Variants in CBFA2T3 observed in about 807,000 individuals in gnomAD.
CBFA2T3 encodes CBFA2/RUNX1 partner transcriptional co-repressor 3, also known as transcriptional corepressor CBFA2T3.
CBFA2T3 carries 31 observed loss-of-function variants against 58.6 expected under a neutral mutation model. The observed-to-expected ratio is 0.53, with a 90% CI of 0.40 to 0.71. The LOEUF (loss-of-function observed/expected upper bound fraction) is 0.71, where lower values mean the gene tolerates loss of function less well. CBFA2T3 is among the 30% of genes least tolerant of loss of function. The pLI, the probability that CBFA2T3 is intolerant of heterozygous loss-of-function variation, is 0.00. For synonymous variants in CBFA2T3, 531 were observed against 421.9 expected (o/e 1.26, Z -3.17); for missense variants, 1,076 against 963.1 (o/e 1.12, Z -1.55).
At chr16:88,904,950 C>T (rs568489963) in intron 1 of CBFA2T3, among the ~76,000 whole-genome samples, 6 of 152,196 alleles carry the variant, frequency 3.9e-5, no homozygotes, top group Admixed American at 1.3e-4. Flanking sequence ...CATGGAGCAA[C>T]GTGTGGCCGG....
intron 1 of CBFA2T3, among the ~76,000 whole-genome samples, chr16:88,949,484 G>A (rs571744587): frequency 2.7e-4 from 41 of 151,848 alleles, no homozygotes; most frequent in Non-Finnish European, 4.9e-4. Context: ...ACTTGAACCC[G>A]GGAGGCGGAG....
intron 3 of CBFA2T3, 82 bp from the exon 4 acceptor site, chr16:88,892,567 C>T (rs1355835971): frequency 9.5e-6 from 14 of 1,468,954 alleles, no homozygotes; most frequent in South Asian, 4.5e-5. Context: ...AGGGAAGCAG[C>T]GACTAAGGTG....
chr16:88,958,256 C>A lies in CBFA2T3; in HGVS notation c.151+18401G>T, dbSNP rs1321195722. Reference sequence around the variant, plus strand: ...GCTATGGCAGAAGAGCTTCGAGAGCCCAAAGCTCCCAGGGAAGCTTTGAGC... The same window carrying A: ...GCTATGGCAGAAGAGCTTCGAGAGCACAAAGCTCCCAGGGAAGCTTTGAGC... On this transcript the variant is annotated intron_variant, in intron 1 of 11. Coordinates refer to ENST00000268679, the MANE Select transcript of CBFA2T3 (RefSeq NM_005187.6). This position sits in a 1 kb window ranked among gnomAD's most constrained non-coding sequence, Gnocchi z 4.0. 6.6e-6 allele frequency among the ~76,000 whole-genome samples: 1 copy of A among 151,680 alleles called. No homozygotes were observed. The highest frequency in any genetic ancestry group is 2.4e-5 in the African/African-American group (1 of 41,348).
At chr16:88,948,977 C>G (rs115511386) in intron 1 of CBFA2T3, among the ~76,000 whole-genome samples, 1,869 of 152,302 alleles carry the variant, frequency 0.012, 45 homozygotes, top group African/African-American at 0.043. Flanking sequence ...TGGAGAAGCA[C>G]AAACTCCCCA....
intron 1 of CBFA2T3, among the ~76,000 whole-genome samples, chr16:88,970,210 G>A (rs546207733): frequency 6.6e-6 from 1 of 152,188 alleles, no homozygotes; most frequent in Admixed American, 6.5e-5. Context: ...CCCCAAGCCG[G>A]CAGCCTTGCT....
At chr16:88,915,969 G>T (rs1390845277) in intron 1 of CBFA2T3, among the ~76,000 whole-genome samples, 1 of 152,068 alleles carries the variant, frequency 6.6e-6, no homozygotes, top group African/African-American at 2.4e-5. Flanking sequence ...TGGGTGCATG[G>T]GTCTGTATTC....
At chr16:88,903,103 C>T (rs1970164340) in intron 1 of CBFA2T3, among the ~76,000 whole-genome samples, 1 of 152,218 alleles carries the variant, frequency 6.6e-6, no homozygotes. Context: ...GCCCGTTCCC[C>T]ATTCCCGGGG....
Position 88,958,689 on chromosome 16 carries a change from G to A in CBFA2T3, c.151+17968C>T, listed in dbSNP as rs1263390857. Among the ~76,000 whole-genome samples, 1 of 151,890 alleles carries A rather than the reference G, an allele frequency of 6.6e-6. No individual in the cohort carries two copies. The highest frequency in any genetic ancestry group is 2.4e-5 in the African/African-American group (1 of 41,334). ...GAGACAAACTCGCTCCCCCAGGGCC[G>A]GGGGCTGGGGGCCTCGGTGTGGCCT... On this transcript the variant is annotated intron_variant, in intron 1 of 11. Transcript: ENST00000268679. This position sits in a 1 kb window ranked among gnomAD's most constrained non-coding sequence, Gnocchi z 4.0.
chr16:88,939,307 G>C (rs564497), intron 1 of CBFA2T3: 3 of 152,264 alleles, frequency 2.0e-5, no homozygotes, highest in East Asian at 3.8e-4. Flanking sequence ...GTGACAGCAC[G>C]GCCCCAGCAC....
intron 1 of CBFA2T3, among the ~76,000 whole-genome samples, chr16:88,962,640 C>T (rs1264640637): frequency 6.6e-6 from 1 of 152,226 alleles, no homozygotes; most frequent in African/African-American, 2.4e-5. Context: ...TCCCCTGGAC[C>T]ACGTTTCGGG....
At chr16:88,959,538 G>A (rs1308235261) in intron 1 of CBFA2T3, among the ~76,000 whole-genome samples, 1 of 152,178 alleles carries the variant, frequency 6.6e-6, no homozygotes, top group Admixed American at 6.5e-5. Context: ...CATACCACCT[G>A]TAAAAGCCAG....
chr16:88,901,522 A>G lies in CBFA2T3; in HGVS notation c.286T>C (p.Ser96Pro). Residue 96 changes from serine (S) to proline (P), a missense_variant, in exon 2 of 12, where the codon TCC becomes CCC. Transcript: ENST00000268679. ...AASQGATRPPSFTPHTHREDG... is the reference protein window; with the variant it reads ...AASQGATRPPPFTPHTHREDG... Reference sequence around the variant, plus strand: ...TACTTACGTGTGTGTGGCGTGAAGGAGGGGGGGCGTGTGGCCCCCTGGGAT... The same window carrying G: ...TACTTACGTGTGTGTGGCGTGAAGGGGGGGGGGCGTGTGGCCCCCTGGGAT... 1 of 1,467,484 alleles carries G rather than the reference A, an allele frequency of 6.8e-7. No individual in the cohort carries two copies. The allele number at this position is 1,467,484 out of a possible 1,614,324, so 90.9% of individuals were successfully genotyped here. A position where few individuals can be genotyped will look rare whatever the true frequency, so the allele number is the denominator to read the frequency against.
intron 1 of CBFA2T3, among the ~76,000 whole-genome samples, chr16:88,906,053 C>T (rs1227217933): frequency 6.6e-6 from 1 of 152,002 alleles, no homozygotes; most frequent in Non-Finnish European, 1.5e-5. Flanking sequence ...GGAGATGAGG[C>T]CGTGCGCAGC....
At position 88,886,019 on chromosome 16, in the gene CBFA2T3, C is replaced by G. The variant is rs760240668; in HGVS notation, c.835G>C (p.Asp279His). The G allele has an allele frequency of 6.4e-7, 1 of 1,564,650 alleles. No homozygotes were observed. Among genetic ancestry groups the G allele is most frequent in the Non-Finnish European group, 8.6e-7 (1 of 1,156,306 alleles). Residue 279 changes from aspartate to histidine, a missense_variant, in exon 6 of 12, where the codon GAC becomes CAC. By Grantham distance (81) the Asp-to-His change is moderately conservative. Transcript: ENST00000268679. ...LLDASASSPI[D>H]SSELLLEVNE... ...ACTTCCAGTAGCAGCTCTGAGGAGT[C>G]GATGGGGGAGGAGGCGCTGGCGTCC...
intron 1 of CBFA2T3, among the ~76,000 whole-genome samples, chr16:88,906,168 G>A (rs898933865): frequency 2.0e-5 from 3 of 152,204 alleles, no homozygotes; most frequent in East Asian, 1.9e-4. Context: ...AGCTCCCACC[G>A]GCCCACAGCT....
chr16:88,975,409 C>A (rs986409172), intron 1 of CBFA2T3, among the ~76,000 whole-genome samples: 2 of 152,228 alleles, frequency 1.3e-5, no homozygotes, highest in Non-Finnish European at 2.9e-5. Context: ...CCTCAGAGCC[C>A]GTCTCTCTCC....
At chr16:88,944,388 G>A (rs547544073) in intron 1 of CBFA2T3, among the ~76,000 whole-genome samples, 2 of 150,686 alleles carry the variant, frequency 1.3e-5, no homozygotes, top group East Asian at 3.9e-4. Context: ...TCATGGCATG[G>A]CAGCGTTTCC....
chr16:88,889,778 G>GGACGTTTCAA (rs1969549484), intron 5 of CBFA2T3, among the ~76,000 whole-genome samples: 1 of 146,938 alleles, frequency 6.8e-6, no homozygotes, highest in African/African-American at 2.5e-5. Context: ...CTCCTCCAGG[G>GGACGTTTCAA]ACGACGCCAC....
chr16:88,959,610 G>C (rs1229015233), intron 1 of CBFA2T3, among the ~76,000 whole-genome samples: 2 of 152,190 alleles, frequency 1.3e-5, no homozygotes, highest in East Asian at 3.9e-4. Context: ...GGGAACCCAG[G>C]TGCAGGAGAG....
Sources: gnomAD v4.1 joint callset for allele counts (sites outside exome capture counted in the v4.1 genomes callset) on GRCh38, gnomAD v4.1.1 for gene constraint, Gnocchi (gnomAD v3.1) non-coding constraint, MANE v1.5 for transcripts, NCBI Gene and HGNC (gene_info 2026-07-23, HGNC 2026-07-21) for gene names.